ATP6V1E2: variants seen among roughly 807,000 people sequenced by gnomAD.
The protein encoded by ATP6V1E2 is ATPase H+ transporting V1 subunit E2.
For synonymous variants in ATP6V1E2, 121 were observed against 104.2 expected (o/e 1.16, Z -0.98); for missense variants, 308 against 273.3 (o/e 1.13, Z -0.90).
At chr2:46,515,148 T>A (rs1379033214) in intron 4 of ATP6V1E2, among the ~76,000 whole-genome samples, 5 of 152,188 alleles carry the variant, frequency 3.3e-5, no homozygotes, top group African/African-American at 1.2e-4. Flanking sequence ...ATCTTTCTAT[T>A]TGAAACAGAA....
chr2:46,512,221 TC>T lies in ATP6V1E2; in HGVS notation c.490del (p.Glu164ArgfsTer12). 3.1e-6 allele frequency: 5 copies of T among 1,614,064 alleles called. No individual in the cohort carries two copies. In the South Asian group the frequency reaches 3.3e-5, roughly 11 times the overall value. On this transcript the variant is annotated frameshift_variant, in exon 5 of 5. Coordinates refer to ENST00000522587, the MANE Select transcript of ATP6V1E2 (RefSeq NM_001318063.2). LOFTEE classifies it low-confidence loss of function (END_TRUNC). Reference sequence around the variant, plus strand: ...GTATGCCTCTTTATCAATCTGGACCTCCACATGTTTCTGGGAAATTGTCATG... The same window carrying T: ...GTATGCCTCTTTATCAATCTGGACCTCACATGTTTCTGGGAAATTGTCATG... ...EYMTISQKHV[E>X]VQIDKEAYLA...
In ATP6V1E2 at chr2:46,512,441, T is replaced by C; in HGVS notation, c.271A>G (p.Ile91Val). 2.5e-6 allele frequency: 4 copies of C among 1,614,200 alleles called. No individual in the cohort carries two copies. Among genetic ancestry groups the C allele is most frequent in the Non-Finnish European group, 3.4e-6 (4 of 1,180,028 alleles). ...TTCGCCTCACTGAGCAAATCTGAGA[T>C]GAGGTCATTTCGGGCTCTCAGGACT... ...LKVLRARNDLISDLLSEAKLR... is the reference protein window; with the variant it reads ...LKVLRARNDLVSDLLSEAKLR... The change falls in exon 5 of 5, where the codon ATC (isoleucine) becomes GTC (valine). Residue 91 changes from isoleucine to valine, a missense_variant. By Grantham distance (29) the Ile-to-Val change is conservative. Coordinates refer to ENST00000522587, the MANE Select transcript of ATP6V1E2 (RefSeq NM_001318063.2).
chr2:46,528,329 A>T (rs1667026744), intron 4 of ATP6V1E2, among the ~76,000 whole-genome samples: 2 of 152,262 alleles, frequency 1.3e-5, no homozygotes, highest in Admixed American at 6.5e-5. Context: ...TTACTTAAGA[A>T]GATCTTGGAA....
intron 4 of ATP6V1E2, chr2:46,534,578 T>C (rs1186978760): frequency 3.3e-5 from 5 of 152,254 alleles, no homozygotes; most frequent in African/African-American, 1.2e-4. Context: ...ATATCTAGTA[T>C]TTTTAACATT....
chr2:46,538,354 A>C (rs529800185), intron 2 of ATP6V1E2, among the ~76,000 whole-genome samples: 1 of 152,334 alleles, frequency 6.6e-6, no homozygotes, highest in African/African-American at 2.4e-5. Context: ...GATGATTTTG[A>C]AACCTAGCTC....
At chr2:46,516,701 C>A (rs1297915934) in intron 4 of ATP6V1E2, among the ~76,000 whole-genome samples, 1 of 150,786 alleles carries the variant, frequency 6.6e-6, no homozygotes, top group Non-Finnish European at 1.5e-5. Flanking sequence ...GCAGCAAAAG[C>A]AATTCTAAGA....
intron 4 of ATP6V1E2, among the ~76,000 whole-genome samples, chr2:46,518,254 T>A (rs1361403128): frequency 1.3e-5 from 2 of 152,102 alleles, no homozygotes; most frequent in African/African-American, 4.8e-5. Flanking sequence ...GATAGAAGAT[T>A]AAATACTGCA....
In ATP6V1E2 at chr2:46,539,991, A is replaced by G. The variant is rs547271261; in HGVS notation, c.-310+1399T>C. Among the ~76,000 whole-genome samples the G allele has an allele frequency of 7.2e-5, 11 of 152,322 alleles. No homozygotes were observed. In the South Asian group the frequency reaches 1.7e-3, roughly 23 times the overall value. ...TAGCTAGAAGTGACTGTGGCTTTCC[A>G]GCTCTTTGTCCCCAGCCCAGGAATA... On this transcript the variant is annotated intron_variant, in intron 2 of 4. Transcript: ENST00000522587.
intron 4 of ATP6V1E2, among the ~76,000 whole-genome samples, chr2:46,525,278 C>A (rs552813282): frequency 1.3e-5 from 2 of 149,334 alleles, no homozygotes; most frequent in African/African-American, 2.4e-5. Flanking sequence ...ATCGAGACCA[C>A]GGTGAAACCC....
chr2:46,511,966 C>A lies in ATP6V1E2; in HGVS notation c.*65G>T. ...AAGAGGAGGAAACACTACTAGTTTCCTTTCCCCAAAAAACTTAAACTTTTA... is the reference window on the plus strand; with the variant it reads ...AAGAGGAGGAAACACTACTAGTTTCATTTCCCCAAAAAACTTAAACTTTTA... On this transcript the variant is annotated 3_prime_UTR_variant, in exon 5 of 5. Transcript: ENST00000522587. 6.9e-7 allele frequency: 1 copy of A among 1,446,902 alleles called. No individual in the cohort carries two copies. Among genetic ancestry groups the A allele is most frequent in the Non-Finnish European group, 9.3e-7 (1 of 1,076,910 alleles). The allele number at this position is 1,446,902 out of a possible 1,614,324, so 89.6% of individuals were successfully genotyped here.
At chr2:46,519,912 GTAATAAACT>G (rs1349895503) in intron 4 of ATP6V1E2, 3 of 152,194 alleles carry the variant, frequency 2.0e-5, no homozygotes, top group African/African-American at 7.2e-5. Context: ...TTGCCTGTTT[GTAATAAACT>G]TAGCAGCCCT....
Position 46,530,311 on chromosome 2 carries a change from T to C in ATP6V1E2, c.-102+5502A>G, listed in dbSNP as rs1244736396. 2.0e-5 allele frequency among the ~76,000 whole-genome samples: 3 copies of C among 152,144 alleles called. No homozygotes were observed. Among genetic ancestry groups the C allele is most frequent in the Admixed American group, 6.5e-5 (1 of 15,278 alleles). ...AGGCCTGTGCACAGTAAAGGGATGA[T>C]GGTGGTGGGTGGGGTGGTCATGCCC... On this transcript the variant is annotated intron_variant, in intron 4 of 4. Transcript: ENST00000522587. The surrounding 1 kb of genome is among the most constrained non-coding windows in gnomAD (Gnocchi z 5.2).
At chr2:46,531,890 T>C (rs1218230463) in intron 4 of ATP6V1E2, among the ~76,000 whole-genome samples, 1 of 152,234 alleles carries the variant, frequency 6.6e-6, no homozygotes, top group Admixed American at 6.5e-5. Flanking sequence ...CTATTTGTCA[T>C]TTTATTGTTG....
rs537664953 is a variant in ATP6V1E2, at chr2:46,516,311, T to C, written c.-101-3499A>G. On this transcript the variant is annotated intron_variant, in intron 4 of 4. Coordinates refer to ENST00000522587, the MANE Select transcript of ATP6V1E2 (RefSeq NM_001318063.2). ...ACGAATCTCAATAAATTTAAGAAGA[T>C]TGAAATCACACCAGGTATCTTTTCA... Among the ~76,000 whole-genome samples the C allele has an allele frequency of 3.9e-5, 6 of 152,294 alleles. No individual in the cohort carries two copies. In the South Asian group the frequency reaches 6.2e-4, roughly 16 times the overall value.
Position 46,535,062 on chromosome 2 carries a change from T to C in ATP6V1E2, c.-102+751A>G, listed in dbSNP as rs1667379293. On this transcript the variant is annotated intron_variant, in intron 4 of 4. Coordinates refer to ENST00000522587, the MANE Select transcript of ATP6V1E2 (RefSeq NM_001318063.2). This position sits in a 1 kb window ranked among gnomAD's most constrained non-coding sequence, Gnocchi z 4.4. Reference sequence around the variant, plus strand: ...TCTCCTCAACTCAGCAAGACCACTATGCTCTGCTTGGGTTCCCCCTCATTG... The same window carrying C: ...TCTCCTCAACTCAGCAAGACCACTACGCTCTGCTTGGGTTCCCCCTCATTG... 1 of 152,234 alleles carries C rather than the reference T, an allele frequency of 6.6e-6. No individual in the cohort carries two copies. The highest frequency in any genetic ancestry group is 2.4e-5 in the African/African-American group (1 of 41,462). The allele number at this position is 152,234 out of a possible 1,614,324, so 9.4% of individuals were successfully genotyped here. A position where few individuals can be genotyped will look rare whatever the true frequency, so the allele number is the denominator to read the frequency against.
At chr2:46,539,036 T>G (rs1053592040) in intron 2 of ATP6V1E2, among the ~76,000 whole-genome samples, 3 of 152,090 alleles carry the variant, frequency 2.0e-5, no homozygotes, top group Non-Finnish European at 4.4e-5. Flanking sequence ...GGTGTCCACC[T>G]AGGGATCAAC....
intron 4 of ATP6V1E2, among the ~76,000 whole-genome samples, chr2:46,518,266 G>C (rs1296596328): frequency 6.6e-6 from 1 of 152,082 alleles, no homozygotes; most frequent in African/African-American, 2.4e-5. Context: ...AATACTGCAT[G>C]ATTCCACTTA....
intron 4 of ATP6V1E2, among the ~76,000 whole-genome samples, chr2:46,533,803 C>T (rs528362886): frequency 3.3e-5 from 5 of 152,020 alleles, no homozygotes; most frequent in Non-Finnish European, 7.4e-5. Context: ...TTTATTTTAC[C>T]TTCAATTTTA....
chr2:46,518,951 C>T (rs1402865886), intron 4 of ATP6V1E2: 1 of 152,172 alleles, frequency 6.6e-6, no homozygotes, highest in Non-Finnish European at 1.5e-5. Flanking sequence ...TTACCAGTCC[C>T]CTGCCAGGGG....
Sources: gnomAD v4.1 joint callset for allele counts (sites outside exome capture counted in the v4.1 genomes callset) on GRCh38, gnomAD v4.1.1 for gene constraint, Gnocchi (gnomAD v3.1) non-coding constraint, MANE v1.5 for transcripts, NCBI Gene and HGNC (gene_info 2026-07-23, HGNC 2026-07-21) for gene names.